The following GRID2 variants were observed in gnomAD, a reference collection of about 807,000 sequenced individuals.
The protein encoded by GRID2 is glutamate receptor ionotropic, delta-2.
In GRID2, 33 loss-of-function variants were observed where a neutral mutation model predicts 114.8. That is an observed-to-expected ratio of 0.29 (90% CI 0.22 to 0.38). The LOEUF is 0.38. GRID2 is among the 10% of genes least tolerant of loss of function. The pLI, the probability that GRID2 is intolerant of heterozygous loss-of-function variation, is 1.00. For synonymous variants in GRID2, 505 were observed against 449.9 expected, an observed-to-expected ratio of 1.12 and a Z score of -1.55; for missense variants, 1,184 against 1,257.7, an observed-to-expected ratio of 0.94 and a Z score of 0.89.
At chr4:92,838,426 G>A (rs1178084838) in intron 2 of GRID2, among the ~76,000 whole-genome samples, 1 of 151,934 alleles carries the variant, frequency 6.6e-6, no homozygotes, top group Non-Finnish European at 1.5e-5. Context: ...TTCTGATTTT[G>A]CAATATGGAT....
At chr4:93,162,152 A>G (rs1414252842) in intron 4 of GRID2, among the ~76,000 whole-genome samples, 2 of 151,818 alleles carry the variant, frequency 1.3e-5, no homozygotes, top group Non-Finnish European at 2.9e-5. Flanking sequence ...TTCTTTGTGA[A>G]TTTTAGAAAT....
rs577827807 is a variant in GRID2 at position 92,618,196 on chromosome 4, G to A, written c.244+27910G>A. On this transcript the variant is annotated intron_variant, in intron 2 of 15. Transcript: ENST00000282020. ...ATTTTATTTCTGCATAGTGTGAAAG[G>A]TGGAGGATCTAGTTTTATTTTTCTG... 2.0e-5 allele frequency among the ~76,000 whole-genome samples: 3 copies of A among 151,790 alleles called. No homozygotes were observed. In the East Asian group the frequency reaches 5.8e-4, roughly 30 times the overall value.
intron 1 of GRID2, among the ~76,000 whole-genome samples, chr4:92,404,268 G>T (rs1055606180): frequency 6.6e-6 from 1 of 152,100 alleles, no homozygotes; most frequent in Non-Finnish European, 1.5e-5. Flanking sequence ...TTGTATGAAA[G>T]AATGAAGATA....
chr4:93,661,945 G>A (rs1170680682), intron 14 of GRID2, among the ~76,000 whole-genome samples: 1 of 151,996 alleles, frequency 6.6e-6, no homozygotes, highest in African/African-American at 2.4e-5. Flanking sequence ...TATCCCAATG[G>A]TCCTACAGCA....
At chr4:92,900,525 T>C (rs889192611) in intron 2 of GRID2, among the ~76,000 whole-genome samples, 3 of 152,160 alleles carry the variant, frequency 2.0e-5, no homozygotes, top group Non-Finnish European at 4.4e-5. Context: ...TTCTGAGTTA[T>C]TTCACTTAAG....
chr4:93,724,200 A>C (rs1578662762), intron 14 of GRID2, among the ~76,000 whole-genome samples: 1 of 152,126 alleles, frequency 6.6e-6, no homozygotes, highest in African/African-American at 2.4e-5. Context: ...CTGATTTTAA[A>C]CCCACCATGC....
At chr4:93,265,410 A>G (rs867525429) in intron 8 of GRID2, among the ~76,000 whole-genome samples, 2 of 152,206 alleles carry the variant, frequency 1.3e-5, no homozygotes, top group Non-Finnish European at 2.9e-5. Context: ...ACCTTATCAA[A>G]TGAGTGGAAA....
At chr4:92,604,953 T>C (rs1729382735) in intron 2 of GRID2, among the ~76,000 whole-genome samples, 1 of 151,486 alleles carries the variant, frequency 6.6e-6, no homozygotes, top group African/African-American at 2.4e-5. Flanking sequence ...TCCCCCACGC[T>C]GTTCTCCTGA....
intron 4 of GRID2, among the ~76,000 whole-genome samples, chr4:93,197,653 C>G (rs898156263): frequency 3.9e-5 from 6 of 152,080 alleles, no homozygotes; most frequent in Non-Finnish European, 7.4e-5. Context: ...ATGTAATGTT[C>G]CAGATGCTTT....
chr4:92,945,022 T>C (rs867169518), intron 2 of GRID2, among the ~76,000 whole-genome samples: 3 of 152,304 alleles, frequency 2.0e-5, no homozygotes, highest in South Asian at 4.1e-4. Context: ...ATATTGATTC[T>C]TCAGTTACAT....
intron 2 of GRID2, among the ~76,000 whole-genome samples, chr4:92,648,856 T>C (rs997661137): frequency 1.4e-5 from 2 of 147,506 alleles, no homozygotes; most frequent in Non-Finnish European, 3.0e-5. Flanking sequence ...AAGATAAAAA[T>C]TAAGTTGTCA....
At chr4:93,253,808 C>G (rs1749252689) in intron 8 of GRID2, among the ~76,000 whole-genome samples, 2 of 151,972 alleles carry the variant, frequency 1.3e-5, no homozygotes, top group African/African-American at 4.8e-5. Context: ...AAAATAAGGC[C>G]TTATTTTTAA....
intron 8 of GRID2, among the ~76,000 whole-genome samples, chr4:93,284,447 C>A (rs538533970): frequency 3.1e-4 from 47 of 151,952 alleles, no homozygotes; most frequent in Non-Finnish European, 5.7e-4. Flanking sequence ...TGTACAACAA[C>A]CCCCTATGAT....
intron 2 of GRID2, among the ~76,000 whole-genome samples, chr4:93,010,757 T>C (rs1208956656): frequency 2.6e-5 from 4 of 152,156 alleles, no homozygotes; most frequent in African/African-American, 9.7e-5. Flanking sequence ...CTAGAACATA[T>C]TTAAGAATTA....
At chr4:93,201,911 A>G (rs1742145828) in intron 4 of GRID2, among the ~76,000 whole-genome samples, 1 of 152,074 alleles carries the variant, frequency 6.6e-6, no homozygotes, top group East Asian at 1.9e-4. Context: ...TCTTCCTGAC[A>G]GGACTTGATT....
intron 1 of GRID2, among the ~76,000 whole-genome samples, chr4:92,384,836 C>T (rs1193909064): frequency 6.7e-6 from 1 of 148,874 alleles, no homozygotes; most frequent in Non-Finnish European, 1.5e-5. Context: ...CTTGAATTTT[C>T]AGACGGTATT....
chr4:92,357,145 G>GA (rs968935048), intron 1 of GRID2, among the ~76,000 whole-genome samples: 120 of 149,130 alleles, frequency 8.0e-4, no homozygotes, highest in African/African-American at 2.6e-3. Flanking sequence ...CTTCTATTTG[G>GA]AAAAAAAAAT....
At chr4:92,755,296 G>T (rs1048754306) in intron 2 of GRID2, among the ~76,000 whole-genome samples, 1 of 152,128 alleles carries the variant, frequency 6.6e-6, no homozygotes, top group African/African-American at 2.4e-5. Flanking sequence ...GGCAGGTACT[G>T]CTCTTAGCAC....
In GRID2 at chr4:93,370,491, GCA is replaced by G. The variant is rs1213170752; in HGVS notation, c.1246-25102_1246-25101del. On this transcript the variant is annotated intron_variant, in intron 8 of 15. Transcript: ENST00000282020. ...CGCACACAGAGACACACACACACAC[GCA>G]CACACACACACACGCACACACAGTT... is the stretch of plus-strand genomic sequence containing the variant. Among the ~76,000 whole-genome samples the G allele has an allele frequency of 5.8e-3, 801 of 138,124 alleles. 2 individuals carry two copies. Among genetic ancestry groups the G allele is most frequent in the South Asian group, 0.043 (186 of 4,290 alleles). 90.6% of individuals were successfully genotyped at this position (138,124 alleles called of 152,430 possible).
Sources: gnomAD v4.1 joint callset for allele counts (sites outside exome capture counted in the v4.1 genomes callset) on GRCh38, gnomAD v4.1.1 for gene constraint, MANE v1.5 for transcripts, NCBI Gene and HGNC (gene_info 2026-07-23, HGNC 2026-07-21) for gene names.